FBXO34: variants seen among roughly 807,000 people sequenced by gnomAD.
The protein encoded by FBXO34 is F-box protein 34, also known as F-box only protein 34.
A neutral mutation model predicts 24.5 loss-of-function variants in FBXO34; 12 were observed. The ratio of observed to expected loss-of-function variants is 0.49; its 90% CI spans 0.31 to 0.79. The LOEUF (loss-of-function observed/expected upper bound fraction) is 0.79, where lower values mean the gene tolerates loss of function less well. FBXO34 is among the 30% of genes least tolerant of loss of function. The pLI, the probability that FBXO34 is intolerant of heterozygous loss-of-function variation, is 0.04. For synonymous variants in FBXO34, 320 were observed against 311.9 expected (o/e 1.03, Z -0.27); for missense variants, 823 against 857.7 (o/e 0.96, Z 0.51).
the FBXO34 span, among the ~76,000 whole-genome samples, chr14:55,412,010 C>G: frequency 8.5e-4 from 129 of 152,320 alleles, no homozygotes; most frequent in African/African-American, 3.0e-3. Flanking sequence ...GGTCCCGAAG[C>G]AGGGGGAGAG....
At chr14:55,393,372 G>A in the FBXO34 span, among the ~76,000 whole-genome samples, 77 of 151,604 alleles carry the variant, frequency 5.1e-4, no homozygotes, top group East Asian at 0.011. Flanking sequence ...GTGACAGAGC[G>A]AGACTCTGTC....
chr14:55,329,997 G>A (rs1459462879), intron 1 of FBXO34, among the ~76,000 whole-genome samples: 1 of 151,992 alleles, frequency 6.6e-6, no homozygotes, highest in Non-Finnish European at 1.5e-5. Flanking sequence ...GAGGACCTGT[G>A]GAGGGCATTT....
chr14:55,391,157 G>T, the FBXO34 span: 2 of 537,958 alleles, frequency 3.7e-6, no homozygotes, highest in African/African-American at 3.9e-5. Context: ...AAAAGAGAAC[G>T]ATGTTTTTCT....
chr14:55,369,913 A>G (rs1283446304), downstream of FBXO34: 2 of 1,610,754 alleles, frequency 1.2e-6, no homozygotes, highest in South Asian at 1.1e-5. Flanking sequence ...CTCGTACTTC[A>G]AAGGGCCCTG....
At chr14:55,292,804 G>C (rs1881985614) in intron 1 of FBXO34, among the ~76,000 whole-genome samples, 1 of 152,158 alleles carries the variant, frequency 6.6e-6, no homozygotes, top group African/African-American at 2.4e-5. Flanking sequence ...ACTCCCAATA[G>C]CAATGTTTTG....
intron 3 of FBXO34, among the ~76,000 whole-genome samples, chr14:55,359,430 T>C (rs184838070): frequency 2.0e-5 from 3 of 152,374 alleles, no homozygotes; most frequent in East Asian, 3.9e-4. Flanking sequence ...ATACAAGTTA[T>C]GTTTATGTGA....
chr14:55,390,215 T>C, the FBXO34 span, among the ~76,000 whole-genome samples: 8,842 of 148,118 alleles, frequency 0.06, 319 homozygotes, highest in South Asian at 0.093. Flanking sequence ...GGATTACAGG[T>C]GCCTGCCACC....
At chr14:55,427,496 G>A in the FBXO34 span, among the ~76,000 whole-genome samples, 12 of 152,098 alleles carry the variant, frequency 7.9e-5, no homozygotes, top group Admixed American at 3.3e-4. Context: ...CTCTATTGAC[G>A]GGATAATCAT....
At chr14:55,382,059 G>A in the FBXO34 span, 1 of 1,614,050 alleles carries the variant, frequency 6.2e-7, no homozygotes, top group South Asian at 1.1e-5. Context: ...TAATGCTAAT[G>A]CTGGTGTCTC....
the FBXO34 span, among the ~76,000 whole-genome samples, chr14:55,410,375 C>T: frequency 3.3e-5 from 5 of 152,186 alleles, no homozygotes; most frequent in Admixed American, 2.0e-4. Flanking sequence ...ACCAAATCCT[C>T]GATTCACTCC....
At chr14:55,283,753 GC>G (rs1417533399) in intron 1 of FBXO34, among the ~76,000 whole-genome samples, 1 of 152,062 alleles carries the variant, frequency 6.6e-6, no homozygotes, top group African/African-American at 2.4e-5. Context: ...GAGCCACCAT[GC>G]CCAGCCAAGA....
intron 1 of FBXO34, among the ~76,000 whole-genome samples, chr14:55,340,295 A>T (rs1883948853): frequency 6.6e-6 from 1 of 151,988 alleles, no homozygotes; most frequent in Non-Finnish European, 1.5e-5. Context: ...CCCTAGCTGG[A>T]GTGCAGTGGC....
At chr14:55,364,198 C>G (rs1034212831), downstream of FBXO34, among the ~76,000 whole-genome samples, 4 of 152,010 alleles carry the variant, frequency 2.6e-5, no homozygotes, top group Non-Finnish European at 5.9e-5. Context: ...ATCCACCTGC[C>G]TTGGCCTCCC....
chr14:55,317,405 G>T (rs553419877), intron 1 of FBXO34, among the ~76,000 whole-genome samples: 1 of 152,008 alleles, frequency 6.6e-6, no homozygotes, highest in African/African-American at 2.4e-5. Context: ...CCTTGAGCCC[G>T]GGAAGGCAGA....
chr14:55,280,711 A>G (rs1015559082), intron 1 of FBXO34, among the ~76,000 whole-genome samples: 2 of 151,924 alleles, frequency 1.3e-5, no homozygotes, highest in African/African-American at 4.8e-5. Flanking sequence ...TATTTTTAGT[A>G]GAGACGGGGT....
At chr14:55,341,509 T>G (rs1204444407) in intron 1 of FBXO34, among the ~76,000 whole-genome samples, 3 of 152,226 alleles carry the variant, frequency 2.0e-5, no homozygotes, top group Admixed American at 1.3e-4. Flanking sequence ...GGATAGGAGT[T>G]TTATTTTCCT....
chr14:55,409,240 T>A, the FBXO34 span, among the ~76,000 whole-genome samples: 1 of 152,226 alleles, frequency 6.6e-6, no homozygotes, highest in African/African-American at 2.4e-5. Flanking sequence ...CTGGCTTTAG[T>A]AACAAATGGA....
At chr14:55,373,856 G>A (rs543608341), downstream of FBXO34, among the ~76,000 whole-genome samples, 12 of 150,994 alleles carry the variant, frequency 7.9e-5, no homozygotes, top group African/African-American at 2.9e-4. Flanking sequence ...CAGTTGTGCC[G>A]GTCTGAACAG....
chr14:55,398,966 G>C, the FBXO34 span, among the ~76,000 whole-genome samples: 1 of 152,178 alleles, frequency 6.6e-6, no homozygotes, highest in African/African-American at 2.4e-5. Context: ...GTAACATGAT[G>C]TGGTGTTCAA....
Sources: gnomAD v4.1 joint callset for allele counts (sites outside exome capture counted in the v4.1 genomes callset) on GRCh38, gnomAD v4.1.1 for gene constraint, MANE v1.5 for transcripts, NCBI Gene and HGNC (gene_info 2026-07-23, HGNC 2026-07-21) for gene names.